Variants in FRMPD4 observed in about 807,000 individuals in gnomAD.
FRMPD4 encodes the protein FERM and PDZ domain containing 4, also known as FERM and PDZ domain-containing protein 4.
Under a neutral mutation model 94.1 loss-of-function variants are expected in FRMPD4, and 22 were observed. The ratio of observed to expected loss-of-function variants is 0.23; its 90% CI spans 0.17 to 0.33. The LOEUF is 0.33. FRMPD4 is among the 10% of genes least tolerant of loss of function. FRMPD4 has a pLI of 1.00. For synonymous variants in FRMPD4, 631 were observed against 548.6 expected (o/e 1.15, Z -2.10); for missense variants, 1,111 against 1,339.9 (o/e 0.83, Z 2.67).
At chrX:12,626,324 C>CA (rs10715768) in intron 4 of FRMPD4, among the ~76,000 whole-genome samples, 29,779 of 74,136 alleles carry the variant, frequency 0.4, 5,380 homozygotes, top group Non-Finnish European at 0.54. Context: ...GATCCTGTCT[C>CA]AAAAAAAAAA....
At chrX:11,981,116 T>A (rs1458079814) in intron 3 of FRMPD4, among the ~76,000 whole-genome samples, 4 of 111,897 alleles carry the variant, frequency 3.6e-5, no homozygotes, top group South Asian at 7.4e-4. Context: ...TAGAAAAAAA[T>A]TGCCAACCTC....
chrX:12,245,710 TGTGGCTAGTTATCATGGGA>T (rs1454065345), intron 1 of FRMPD4, among the ~76,000 whole-genome samples: 1 of 109,543 alleles, frequency 9.1e-6, no homozygotes, highest in Non-Finnish European at 1.9e-5. Context: ...TTATCATGGG[TGTGGCTAGTTATCATGGGA>T]GTGGGTTATC....
chrX:12,617,889 A>G (rs1274736307), intron 4 of FRMPD4, among the ~76,000 whole-genome samples: 1 of 111,126 alleles, frequency 9.0e-6, no homozygotes, highest in African/African-American at 3.3e-5. Flanking sequence ...TTACTCTATT[A>G]TGGAAAATTA....
At chrX:12,137,805 G>GGTTTTGTTTT (rs758814701), upstream of FRMPD4, among the ~76,000 whole-genome samples, 3 of 112,220 alleles carry the variant, frequency 2.7e-5, no homozygotes, top group African/African-American at 9.7e-5. Context: ...TCTCCGGCAA[G>GGTTTTGTTTT]GTTTTGTTTT....
intron 3 of FRMPD4, among the ~76,000 whole-genome samples, chrX:11,947,610 A>G (rs184112692): frequency 8.9e-6 from 1 of 112,189 alleles, no homozygotes; most frequent in East Asian, 2.8e-4. Flanking sequence ...CCTTGTTTAA[A>G]TAATGAACTG....
intron 1 of FRMPD4, among the ~76,000 whole-genome samples, chrX:12,331,730 T>G: frequency 1.7e-5 from 1 of 60,514 alleles, no homozygotes; most frequent in African/African-American, 9.9e-5. Flanking sequence ...ATATAGTATA[T>G]AAATATATAA....
chrX:12,710,571 T>G (rs996434850), intron 14 of FRMPD4, 34 bp downstream of exon 14: 14 of 1,149,996 alleles, frequency 1.2e-5, no homozygotes, highest in African/African-American at 3.6e-5. Flanking sequence ...AGCACTGACC[T>G]CCCTGCAAAC....
intron 2 of FRMPD4, among the ~76,000 whole-genome samples, chrX:12,594,359 G>A (rs1309821666): frequency 1.8e-5 from 2 of 111,886 alleles, no homozygotes; most frequent in Admixed American, 9.5e-5. Flanking sequence ...GAAACTTGGT[G>A]TATGGTATGT....
At chrX:12,290,310 T>C (rs1051072694) in intron 1 of FRMPD4, among the ~76,000 whole-genome samples, 9 of 112,327 alleles carry the variant, frequency 8.0e-5, no homozygotes, top group Non-Finnish European at 1.1e-4. Context: ...TTCTTTATAC[T>C]GCCCAAAGGT....
chrX:12,587,069 C>T lies in FRMPD4; in HGVS notation c.159-22652C>T, dbSNP rs762884027. On this transcript the variant is annotated intron_variant, in intron 2 of 16. Coordinates refer to ENST00000675598, the MANE Select transcript of FRMPD4 (RefSeq NM_001368397.1). ...TCAGCTCAGTGCAACCTCTGCCTCG[C>T]GGGTTCAAGTGATTCTCCTGCCTCA... is the stretch of plus-strand genomic sequence containing the variant. 7.3e-5 allele frequency among the ~76,000 whole-genome samples: 8 copies of T among 109,388 alleles called. No individual in the cohort carries two copies. In the East Asian group the frequency reaches 8.6e-4, roughly 12 times the overall value. The allele number at this position is 109,388 out of a possible 115,157, so 95.0% of individuals were successfully genotyped here. A position where few individuals can be genotyped will look rare whatever the true frequency, so the allele number is the denominator to read the frequency against.
At chrX:11,978,557 G>T (rs2054380597) in intron 3 of FRMPD4, among the ~76,000 whole-genome samples, 1 of 110,712 alleles carries the variant, frequency 9.0e-6, no homozygotes, top group African/African-American at 3.3e-5. Flanking sequence ...GTCTTAGAGG[G>T]GAAGAAAAAG....
At chrX:12,073,720 G>A (rs754427733) in intron 3 of FRMPD4, among the ~76,000 whole-genome samples, 3 of 112,160 alleles carry the variant, frequency 2.7e-5, no homozygotes, top group Non-Finnish European at 5.6e-5. Context: ...GTGAAAACAT[G>A]TCACATTTTT....
chrX:12,426,000 C>A (rs1052122389), intron 1 of FRMPD4, among the ~76,000 whole-genome samples: 17 of 112,155 alleles, frequency 1.5e-4, no homozygotes, highest in African/African-American at 5.5e-4. Flanking sequence ...ATGCTTTCAA[C>A]AGCAGGTGAT....
intron 1 of FRMPD4, among the ~76,000 whole-genome samples, chrX:12,191,720 TG>T (rs2056494410): frequency 8.9e-6 from 1 of 111,809 alleles, no homozygotes. Context: ...AGAGGATCAG[TG>T]GTTGCCCGGG....
intron 4 of FRMPD4, among the ~76,000 whole-genome samples, chrX:12,666,232 A>G (rs1248861545): frequency 1.8e-5 from 2 of 111,866 alleles, no homozygotes; most frequent in East Asian, 5.6e-4. Context: ...AGAGCTAACT[A>G]TCCTAAATAT....
intron 1 of FRMPD4, among the ~76,000 whole-genome samples, chrX:12,457,747 A>T (rs934862688): frequency 3.6e-5 from 4 of 112,180 alleles, no homozygotes; most frequent in Non-Finnish European, 7.5e-5. Context: ...GATGATAGTG[A>T]TTTCGGAAAA....
chrX:12,332,187 A>ATT (rs1281756662), intron 1 of FRMPD4, among the ~76,000 whole-genome samples: 4 of 76,471 alleles, frequency 5.2e-5, no homozygotes, highest in Non-Finnish European at 6.8e-5. Context: ...TATAATTTAT[A>ATT]TTTTATATAT....
At chrX:12,073,534 T>G (rs5933952) in intron 3 of FRMPD4, among the ~76,000 whole-genome samples, 15,958 of 111,134 alleles carry the variant, frequency 0.14, 1,191 homozygotes, top group African/African-American at 0.27. Context: ...CCGTCAATGG[T>G]CTTGATTTGT....
intron 4 of FRMPD4, among the ~76,000 whole-genome samples, chrX:12,630,055 G>A (rs999584902): frequency 8.9e-6 from 1 of 112,550 alleles, no homozygotes; most frequent in Non-Finnish European, 1.9e-5. Flanking sequence ...TGACTTTGGG[G>A]ACACATAGGT....
Sources: allele counts gnomAD v4.1 joint callset (sites outside exome capture counted in the v4.1 genomes callset), GRCh38; gene constraint gnomAD v4.1.1; transcripts MANE v1.5; gene names NCBI Gene and HGNC (gene_info 2026-07-23, HGNC 2026-07-21).